ARSG: variants seen among roughly 807,000 people sequenced by gnomAD.
The protein encoded by ARSG is arylsulfatase G, also known as ASG.
ARSG carries 37 observed loss-of-function variants against 50.5 expected under a neutral mutation model. The observed-to-expected ratio is 0.73, with a 90% CI of 0.56 to 0.96. The LOEUF is 0.96. Among genes scored for constraint, ARSG ranks in the 50% least tolerant of loss-of-function variants. The pLI is 0.00. For missense variants in ARSG, 629 were observed against 675.3 expected, an observed-to-expected ratio of 0.93 and a Z score of 0.76; for synonymous variants, 225 against 254.6, an observed-to-expected ratio of 0.88 and a Z score of 1.11.
intron 3 of ARSG, among the ~76,000 whole-genome samples, chr17:68,345,255 C>T (rs772010265): frequency 1.3e-5 from 2 of 152,126 alleles, no homozygotes; most frequent in East Asian, 1.9e-4. Context: ...GAGGATCCCT[C>T]GAGCCCAGGA....
chr17:68,379,754 C>T (rs895807015), intron 8 of ARSG: 9 of 893,820 alleles, frequency 1.0e-5, no homozygotes, highest in Admixed American at 1.2e-4. Context: ...AGGACCCTGT[C>T]GAATGACATT....
intron 3 of ARSG, among the ~76,000 whole-genome samples, chr17:68,345,522 C>T (rs1187998531): frequency 3.9e-5 from 6 of 152,182 alleles, no homozygotes; most frequent in East Asian, 1.9e-4. Flanking sequence ...TCACCACTCA[C>T]GACACCTTTT....
chr17:68,368,027 G>A (rs570478028), intron 6 of ARSG, among the ~76,000 whole-genome samples: 4 of 152,200 alleles, frequency 2.6e-5, no homozygotes, highest in East Asian at 1.9e-4. Context: ...ACAATATCGC[G>A]CCACTGCACT....
At chr17:68,449,262 G>A in the ARSG span, among the ~76,000 whole-genome samples, 1 of 152,164 alleles carries the variant, frequency 6.6e-6, no homozygotes, top group Admixed American at 6.5e-5. Context: ...AGATATTTAT[G>A]AGCACGTATC....
the ARSG span, chr17:68,436,547 AT>A: frequency 1.4e-6 from 2 of 1,460,936 alleles, no homozygotes; most frequent in Admixed American, 3.5e-5. Context: ...TGGAGAGGGC[AT>A]CTGAAAACAG....
At chr17:68,397,635 TAC>T (rs1167250340) in intron 10 of ARSG, among the ~76,000 whole-genome samples, 2 of 152,060 alleles carry the variant, frequency 1.3e-5, no homozygotes, top group Admixed American at 6.5e-5. Flanking sequence ...TATATATATA[TAC>T]ACACACACAC....
At chr17:68,286,148 G>T (rs1555754294) in intron 1 of ARSG, among the ~76,000 whole-genome samples, 1 of 152,164 alleles carries the variant, frequency 6.6e-6, no homozygotes, top group Non-Finnish European at 1.5e-5. Flanking sequence ...TGCAGTTTTT[G>T]TATGAGCTGA....
At chr17:68,275,075 C>T (rs1555750485) in intron 1 of ARSG, among the ~76,000 whole-genome samples, 2 of 152,206 alleles carry the variant, frequency 1.3e-5, no homozygotes, top group Non-Finnish European at 2.9e-5. Flanking sequence ...CCACCGCGCC[C>T]AGCCTAGTTA....
intron 11 of ARSG, among the ~76,000 whole-genome samples, chr17:68,402,592 T>A (rs1325779843): frequency 6.6e-6 from 1 of 152,052 alleles, no homozygotes; most frequent in South Asian, 2.1e-4. Flanking sequence ...TGGCGTGATC[T>A]TGGCTCACTG....
At position 68,368,759 on chromosome 17, in the gene ARSG, G is replaced by A. The variant is rs890959525; in HGVS notation, c.901+15G>A. The A allele has an allele frequency of 6.2e-7, 1 of 1,609,844 alleles. No individual in the cohort carries two copies. On this transcript the variant is annotated intron_variant, in intron 7 of 11. Coordinates refer to ENST00000621439, the MANE Select transcript of ARSG (RefSeq NM_001267727.2). ...CTGGTTTACAGGTAAAGTAGTAAAA[G>A]CCAGCCAGCCTAACTGCCATTTAAT...
chr17:68,430,026 G>A, the ARSG span: 8 of 1,614,210 alleles, frequency 5.0e-6, no homozygotes, highest in Non-Finnish European at 1.7e-6. Flanking sequence ...CCTCTGTCCG[G>A]AGAAGTTCAA....
At chr17:68,403,110 G>T (rs185621187) in intron 11 of ARSG, among the ~76,000 whole-genome samples, 249 of 152,090 alleles carry the variant, frequency 1.6e-3, no homozygotes, top group African/African-American at 5.8e-3. Context: ...TGACTTGAGG[G>T]GTATTAAAAA....
intron 2 of ARSG, among the ~76,000 whole-genome samples, chr17:68,335,246 T>C (rs1449735207): frequency 1.3e-5 from 2 of 152,078 alleles, no homozygotes; most frequent in Admixed American, 1.3e-4. Context: ...CAATTATCAC[T>C]GTTGTAGTTG....
At position 68,399,040 on chromosome 17, in the gene ARSG, G is replaced by T. The variant is rs1197816600; in HGVS notation, c.1213-2320G>T. On this transcript the variant is annotated intron_variant, in intron 10 of 11. Coordinates refer to ENST00000621439, the MANE Select transcript of ARSG (RefSeq NM_001267727.2). This position sits in a 1 kb window ranked among gnomAD's most constrained non-coding sequence, Gnocchi z 4.6. ...TCGTGTCTTAGCCCCAGGTTGTCATGATCAGGTCCAGAAATTGTCAACGAA... is the reference window on the plus strand; with the variant it reads ...TCGTGTCTTAGCCCCAGGTTGTCATTATCAGGTCCAGAAATTGTCAACGAA... 1.3e-5 allele frequency among the ~76,000 whole-genome samples: 2 copies of T among 152,180 alleles called. No homozygotes were observed. Among genetic ancestry groups the T allele is most frequent in the Non-Finnish European group, 2.9e-5 (2 of 68,032 alleles).
intron 1 of ARSG, chr17:68,270,957 C>A (rs782246994): frequency 6.2e-7 from 1 of 1,614,142 alleles, no homozygotes; most frequent in South Asian, 1.1e-5. Context: ...GAATGTGAGT[C>A]CCTCCTATTG....
chr17:68,308,650 C>G (rs930549887), intron 2 of ARSG, among the ~76,000 whole-genome samples: 1 of 152,170 alleles, frequency 6.6e-6, no homozygotes, highest in Non-Finnish European at 1.5e-5. Context: ...GCTCGGGCAG[C>G]CTGCTTTTAT....
At chr17:68,433,762 T>TGTTG in the ARSG span, among the ~76,000 whole-genome samples, 1 of 12,520 alleles carries the variant, frequency 8.0e-5, no homozygotes, top group East Asian at 8.7e-4. Flanking sequence ...GGGTCATAGT[T>TGTTG]TTTTTTTTTT....
At chr17:68,346,397 T>A (rs2078504896) in intron 3 of ARSG, among the ~76,000 whole-genome samples, 1 of 152,200 alleles carries the variant, frequency 6.6e-6, no homozygotes, top group African/African-American at 2.4e-5. Context: ...TGCCCGTTAA[T>A]CTCTCGTTTG....
At chr17:68,371,122 C>T (rs1045451447) in intron 8 of ARSG, among the ~76,000 whole-genome samples, 1 of 151,990 alleles carries the variant, frequency 6.6e-6, no homozygotes, top group Non-Finnish European at 1.5e-5. Flanking sequence ...AGATGGAGAC[C>T]ATCCTGGCTA....
Sources: allele counts gnomAD v4.1 joint callset (sites outside exome capture counted in the v4.1 genomes callset), GRCh38; gene constraint gnomAD v4.1.1; non-coding constraint Gnocchi (gnomAD v3.1); transcripts MANE v1.5; gene names NCBI Gene and HGNC (gene_info 2026-07-23, HGNC 2026-07-21).